The following RUNX1 variants were observed in gnomAD, a reference collection of about 807,000 sequenced individuals.
RUNX1 encodes RUNX family transcription factor 1, also known as runt-related transcription factor 1.
RUNX1 carries 19 observed loss-of-function variants against 42.8 expected under a neutral mutation model. That is an observed-to-expected ratio of 0.44 (90% CI 0.31 to 0.65). RUNX1 has a LOEUF of 0.65. Ranked by LOEUF, RUNX1 falls within the 30% of genes least tolerant of loss-of-function variation. The pLI is 0.07. For synonymous variants in RUNX1, 271 were observed against 289.4 expected (o/e 0.94, Z 0.64); for missense variants, 528 against 672.0 (o/e 0.79, Z 2.37).
chr21:34,844,663 T>C (rs770919144), intron 6 of RUNX1, among the ~76,000 whole-genome samples: 10 of 152,302 alleles, frequency 6.6e-5, no homozygotes, highest in Non-Finnish European at 1.5e-4. Flanking sequence ...CATCCAGCAG[T>C]GTGGAGGATG....
At chr21:34,838,288 C>T (rs917494974) in intron 6 of RUNX1, among the ~76,000 whole-genome samples, 2 of 152,034 alleles carry the variant, frequency 1.3e-5, no homozygotes, top group Non-Finnish European at 2.9e-5. Flanking sequence ...AAATTGCCAC[C>T]GTTTCTTGGA....
chr21:34,792,293 G>C lies in RUNX1; in HGVS notation c.1285C>G (p.Leu429Val). 6.5e-7 allele frequency: 1 copy of C among 1,542,504 alleles called. No homozygotes were observed. Among genetic ancestry groups the C allele is most frequent in the Non-Finnish European group, 8.7e-7 (1 of 1,146,230 alleles). The change falls in exon 9 of 9, where the codon CTG (leucine) becomes GTG (valine). Residue 429 changes from leucine to valine, a missense_variant. Physicochemically the swap from Leu to Val is conservative, Grantham distance 32. Coordinates refer to ENST00000675419, the MANE Select transcript of RUNX1 (RefSeq NM_001754.5). The surrounding 1 kb of genome is among the most constrained non-coding windows in gnomAD (Gnocchi z 6.9). Reference sequence around the variant, plus strand: ...GTGGAGGCGTTGGTGCAGGGCGGCAGGATGCGCGGCGGCGAGCGCTCGCCG... The same window carrying C: ...GTGGAGGCGTTGGTGCAGGGCGGCACGATGCGCGGCGGCGAGCGCTCGCCG... ...VGGERSPPRI[L>V]PPCTNASTGS... is the part of the protein sequence containing the mutation.
At chr21:34,972,754 T>A (rs1198630990) in intron 2 of RUNX1, among the ~76,000 whole-genome samples, 1 of 152,166 alleles carries the variant, frequency 6.6e-6, no homozygotes, top group Non-Finnish European at 1.5e-5. Flanking sequence ...AGATTGGTGG[T>A]GTGCAGCCTT....
At chr21:35,041,410 TC>T (rs2059358226) in intron 2 of RUNX1, among the ~76,000 whole-genome samples, 1 of 152,172 alleles carries the variant, frequency 6.6e-6, no homozygotes, top group South Asian at 2.1e-4. Flanking sequence ...TGATGACCTT[TC>T]CCATTTGAGG....
intron 2 of RUNX1, among the ~76,000 whole-genome samples, chr21:34,974,766 A>G (rs775693009): frequency 1.3e-5 from 2 of 152,320 alleles, no homozygotes; most frequent in Non-Finnish European, 2.9e-5. Flanking sequence ...CAAAAATAGC[A>G]AAGGCTATTT....
At chr21:35,005,708 T>C (rs2059079231) in intron 2 of RUNX1, among the ~76,000 whole-genome samples, 1 of 152,196 alleles carries the variant, frequency 6.6e-6, no homozygotes, top group Non-Finnish European at 1.5e-5. Context: ...CCTTCCCTCA[T>C]GCTATAAATG....
At chr21:34,803,153 T>C (rs16992357) in intron 7 of RUNX1, among the ~76,000 whole-genome samples, 4,147 of 152,016 alleles carry the variant, frequency 0.027, 169 homozygotes, top group African/African-American at 0.095. Context: ...CTCAGGAGAT[T>C]AAATGGTAAA....
intron 2 of RUNX1, among the ~76,000 whole-genome samples, chr21:34,990,703 T>C (rs1444246601): frequency 6.6e-6 from 1 of 151,982 alleles, no homozygotes; most frequent in Non-Finnish European, 1.5e-5. Context: ...GTGATTCTCC[T>C]GCCTCAGCCT....
intron 2 of RUNX1, among the ~76,000 whole-genome samples, chr21:34,916,030 G>T (rs1459121649): frequency 2.0e-5 from 3 of 152,072 alleles, no homozygotes; most frequent in South Asian, 4.1e-4. Context: ...AGAGTTTTTT[G>T]TGTGTGTGGG....
rs1255839525 is a variant in RUNX1, at chr21:34,966,254, C to T, written c.59-73291G>A. 2.6e-5 allele frequency among the ~76,000 whole-genome samples: 4 copies of T among 152,190 alleles called. No homozygotes were observed. In the East Asian group the frequency reaches 7.7e-4, roughly 29 times the overall value. The stretch of plus-strand genomic sequence containing the variant: ...TCTAAGTCCAAACGTTGTTCTTTAC[C>T]TTGCATCATGAATAATAATTAAAAT... On this transcript the variant is annotated intron_variant, in intron 2 of 8. Coordinates refer to ENST00000675419, the MANE Select transcript of RUNX1 (RefSeq NM_001754.5).
intron 3 of RUNX1, among the ~76,000 whole-genome samples, chr21:34,891,707 T>TTA (rs761249134): frequency 0.11 from 16,042 of 147,724 alleles, 1,110 homozygotes; most frequent in Non-Finnish European, 0.16. Context: ...AATGCAAAAT[T>TTA]AAAAAAAAAA....
At chr21:35,000,387 C>G (rs780400763) in intron 2 of RUNX1, among the ~76,000 whole-genome samples, 1 of 151,830 alleles carries the variant, frequency 6.6e-6, no homozygotes, top group Non-Finnish European at 1.5e-5. Flanking sequence ...ACTACAGGCA[C>G]CCACCACCAC....
intron 3 of RUNX1, chr21:34,887,725 CATAAA>C: frequency 9.4e-7 from 1 of 1,059,874 alleles, no homozygotes. Context: ...TGCTCTACTT[CATAAA>C]ATATTTACAA....
At chr21:34,845,198 T>C (rs1392536085) in intron 6 of RUNX1, among the ~76,000 whole-genome samples, 1 of 152,200 alleles carries the variant, frequency 6.6e-6, no homozygotes, top group Non-Finnish European at 1.5e-5. Context: ...TCCCACTGTC[T>C]GCCAGGTAAC....
chr21:34,866,589 T>G (rs1037681863), intron 5 of RUNX1, among the ~76,000 whole-genome samples: 1 of 152,246 alleles, frequency 6.6e-6, no homozygotes, highest in Admixed American at 6.5e-5. Flanking sequence ...CAGCCAAAAT[T>G]CATGCTTATG....
chr21:34,809,021 C>A (rs937138994), intron 7 of RUNX1, among the ~76,000 whole-genome samples: 2 of 152,166 alleles, frequency 1.3e-5, no homozygotes, highest in African/African-American at 4.8e-5. Flanking sequence ...CAGACAGATT[C>A]TTTCTCTGTA....
chr21:35,037,369 AG>A (rs2059316185), intron 2 of RUNX1, among the ~76,000 whole-genome samples: 1 of 152,156 alleles, frequency 6.6e-6, no homozygotes. Context: ...TGGGCAGGAG[AG>A]GTCTGGATAC....
chr21:34,792,388 T>C lies in RUNX1; in HGVS notation c.1190A>G (p.Gln397Arg), dbSNP rs762292084. The change falls in exon 9 of 9, where the codon CAA (glutamine) becomes CGA (arginine). Residue 397 changes from glutamine to arginine, a missense_variant. This residue lies in a region of RUNX1 where 331 missense variants were observed against 382.5 expected (regional missense o/e 0.87). Transcript: ENST00000675419. The surrounding 1 kb of genome is among the most constrained non-coding windows in gnomAD (Gnocchi z 6.9). ...GSSQAQGGPFQASSPSYHLYY... is the reference protein window; with the variant it reads ...GSSQAQGGPFRASSPSYHLYY... The stretch of plus-strand genomic sequence containing the variant: ...CAGGTGGTAGGAGGGCGAGCTGGCT[T>C]GGAACGGGCCTCCCTGCGCTTGCGA... 80 of 1,565,746 alleles carry C rather than the reference T, an allele frequency of 5.1e-5. No individual in the cohort carries two copies. In the East Asian group the frequency reaches 1.7e-3, roughly 33 times the overall value.
At chr21:35,005,439 C>T (rs531063297) in intron 2 of RUNX1, among the ~76,000 whole-genome samples, 59 of 152,214 alleles carry the variant, frequency 3.9e-4, no homozygotes, top group Middle Eastern at 3.4e-3. Context: ...CCATACCCCA[C>T]GAATAATTTA....
Sources: gnomAD v4.1 joint callset for allele counts (sites outside exome capture counted in the v4.1 genomes callset) on GRCh38, gnomAD v4.1.1 for gene constraint, gnomAD v4.1.1 regional missense constraint, Gnocchi (gnomAD v3.1) non-coding constraint, MANE v1.5 for transcripts, NCBI Gene and HGNC (gene_info 2026-07-23, HGNC 2026-07-21) for gene names.